The following SMCO4 variants were observed in gnomAD, a reference collection of about 807,000 sequenced individuals.
The protein encoded by SMCO4 is single-pass membrane protein with coiled-coil domains 4, also known as single-pass membrane and coiled-coil domain-containing protein 4.
A neutral mutation model predicts 3.6 loss-of-function variants in SMCO4; 4 were observed. The ratio of observed to expected loss-of-function variants is 1.11; its 90% confidence interval spans 0.54 to 2.53. SMCO4 has a LOEUF of 2.53. SMCO4 is among the 30% of genes most tolerant of loss of function. The probability of loss-of-function intolerance (pLI) is 0.02; values close to 1 mark genes in which losing one functional copy is unlikely to be tolerated. For synonymous variants in SMCO4, 36 were observed against 35.3 expected, an observed-to-expected ratio of 1.02 and a Z score of -0.07; for missense variants, 70 against 80.8, an observed-to-expected ratio of 0.87 and a Z score of 0.51.
At chr11:93,507,586 A>G (rs1238493370) in intron 1 of SMCO4, among the ~76,000 whole-genome samples, 1 of 152,268 alleles carries the variant, frequency 6.6e-6, no homozygotes, top group Non-Finnish European at 1.5e-5. Flanking sequence ...GCATGATGTT[A>G]CAAAATGATG....
intron 1 of SMCO4, among the ~76,000 whole-genome samples, chr11:93,535,249 C>G (rs978595693): frequency 6.6e-6 from 1 of 152,202 alleles, no homozygotes; most frequent in Non-Finnish European, 1.5e-5. Context: ...ATCAGGAGCT[C>G]TTGCTTCCAG....
chr11:93,479,427 G>T, intron 2 of SMCO4, 158 bp from the exon 3 acceptor site: 1 of 683,500 alleles, frequency 1.5e-6, no homozygotes, highest in Admixed American at 3.3e-5. Flanking sequence ...CTTGGGATCA[G>T]CGCTCTAAGT....
intron 1 of SMCO4, among the ~76,000 whole-genome samples, chr11:93,528,608 C>T (rs1312231505): frequency 6.7e-6 from 1 of 150,280 alleles, no homozygotes; most frequent in African/African-American, 2.5e-5. Flanking sequence ...TAAACCGGCT[C>T]TACCTTCCAG....
chr11:93,547,138 T>A (rs560372383), upstream of SMCO4, among the ~76,000 whole-genome samples: 1 of 152,346 alleles, frequency 6.6e-6, no homozygotes, highest in South Asian at 2.1e-4. Context: ...AGGAATCTTA[T>A]GGAGATTTGA....
chr11:93,512,563 T>C (rs1948967296), intron 1 of SMCO4, among the ~76,000 whole-genome samples: 1 of 152,242 alleles, frequency 6.6e-6, no homozygotes, highest in Non-Finnish European at 1.5e-5. Context: ...GTACCTTTTA[T>C]ATGTTTAGAT....
At chr11:93,502,517 A>G (rs1948851190) in intron 1 of SMCO4, among the ~76,000 whole-genome samples, 1 of 152,220 alleles carries the variant, frequency 6.6e-6, no homozygotes, top group African/African-American at 2.4e-5. Context: ...TAAAGGGCAG[A>G]CTATATCAAA....
the SMCO4 span, among the ~76,000 whole-genome samples, chr11:93,553,097 A>T: frequency 2.6e-4 from 39 of 152,090 alleles, no homozygotes; most frequent in African/African-American, 9.4e-4. Flanking sequence ...AGCCTCTAAA[A>T]CCACATGGTT....
Position 93,478,747 on chromosome 11 carries a change from AC to A in SMCO4, c.*262del. The A allele has an allele frequency of 5.1e-4, 356 of 699,852 alleles. No homozygotes were observed. The highest frequency in any genetic ancestry group is 6.1e-4 in the Non-Finnish European group (318 of 519,572). 43.4% of individuals were successfully genotyped at this position (699,852 alleles called of 1,614,324 possible). The stretch of plus-strand genomic sequence containing the variant: ...CACACACACACACACACACACACAC[AC>A]ACACATGCGCGCGCGCTTTGAAGTC... On this transcript the variant is annotated 3_prime_UTR_variant, in exon 3 of 3. Coordinates refer to ENST00000298966, the MANE Select transcript of SMCO4 (RefSeq NM_020179.3).
Position 93,485,609 on chromosome 11 carries a change from C to T in SMCO4, c.-80-6340G>A, listed in dbSNP as rs114830960. Among the ~76,000 whole-genome samples, 941 of 152,322 alleles carry T rather than the reference C, an allele frequency of 6.2e-3. 9 individuals are homozygous for T. The highest frequency in any genetic ancestry group is 0.021 in the African/African-American group (858 of 41,558). ...GCTGGCTGGGCCTCTGACGTCTCCA[C>T]TTCTCGGGGACTGCAAATGTGCCTT... On this transcript the variant is annotated intron_variant, in intron 2 of 2. Coordinates refer to ENST00000298966, the MANE Select transcript of SMCO4 (RefSeq NM_020179.3).
At chr11:93,481,915 C>A (rs893292427) in intron 2 of SMCO4, among the ~76,000 whole-genome samples, 5 of 152,232 alleles carry the variant, frequency 3.3e-5, no homozygotes, top group Non-Finnish European at 7.3e-5. Flanking sequence ...CAGTGCTGGG[C>A]CTGACTTCCC....
intron 2 of SMCO4, among the ~76,000 whole-genome samples, chr11:93,489,328 A>C (rs1948687346): frequency 6.6e-6 from 1 of 152,212 alleles, no homozygotes; most frequent in African/African-American, 2.4e-5. Context: ...TCATCATCAT[A>C]AGGAATAATG....
At chr11:93,514,888 C>A (rs774989259) in intron 1 of SMCO4, among the ~76,000 whole-genome samples, 2 of 152,058 alleles carry the variant, frequency 1.3e-5, no homozygotes, top group Admixed American at 6.6e-5. Flanking sequence ...GGTAATTATC[C>A]CCATTTTACA....
intron 1 of SMCO4, among the ~76,000 whole-genome samples, chr11:93,508,503 T>A (rs1370001920): frequency 6.6e-6 from 1 of 152,104 alleles, no homozygotes; most frequent in East Asian, 1.9e-4. Flanking sequence ...AATATTAAAA[T>A]GTAATGATTT....
chr11:93,552,836 ATT>A, the SMCO4 span, among the ~76,000 whole-genome samples: 52 of 149,932 alleles, frequency 3.5e-4, no homozygotes, highest in African/African-American at 1.2e-3. Context: ...CATCAATTTA[ATT>A]TTTTTTTTGT....
chr11:93,519,893 T>C (rs3794002), intron 1 of SMCO4, among the ~76,000 whole-genome samples: 21,036 of 152,150 alleles, frequency 0.14, 1,596 homozygotes, highest in Non-Finnish European at 0.17. Context: ...TTAACTCCAA[T>C]GCCAGACCTA....
At chr11:93,488,537 T>C (rs1422317305) in intron 2 of SMCO4, among the ~76,000 whole-genome samples, 2 of 151,470 alleles carry the variant, frequency 1.3e-5, no homozygotes, top group African/African-American at 2.4e-5. Flanking sequence ...TTTACCGAGA[T>C]TGGAAATGGA....
At chr11:93,487,442 A>T (rs1166583278) in intron 2 of SMCO4, among the ~76,000 whole-genome samples, 1 of 152,296 alleles carries the variant, frequency 6.6e-6, no homozygotes, top group Non-Finnish European at 1.5e-5. Context: ...CAGTGGGTGT[A>T]TGGAGGGGAG....
intron 1 of SMCO4, among the ~76,000 whole-genome samples, chr11:93,507,896 G>A (rs916503541): frequency 6.6e-6 from 1 of 152,146 alleles, no homozygotes; most frequent in Non-Finnish European, 1.5e-5. Flanking sequence ...CTTCCATTAA[G>A]AGAGACATTA....
intron 2 of SMCO4, among the ~76,000 whole-genome samples, chr11:93,493,764 A>G (rs1291917757): frequency 5.3e-5 from 8 of 152,180 alleles, no homozygotes; most frequent in African/African-American, 1.9e-4. Flanking sequence ...CTGTCTGCAC[A>G]TAGTGGGAGA....
Sources: allele counts gnomAD v4.1 joint callset (sites outside exome capture counted in the v4.1 genomes callset), GRCh38; gene constraint gnomAD v4.1.1; transcripts MANE v1.5; gene names NCBI Gene and HGNC (gene_info 2026-07-23, HGNC 2026-07-21).